GPR158: variants seen among roughly 807,000 people sequenced by gnomAD.
The protein encoded by GPR158 is G protein-coupled receptor 158, also known as metabotropic glycine receptor.
Under a neutral mutation model 78.2 loss-of-function variants are expected in GPR158, and 30 were observed. That is an observed-to-expected ratio of 0.38 (90% CI 0.29 to 0.52). The LOEUF is 0.52. Among genes scored for constraint, GPR158 ranks in the 20% least tolerant of loss-of-function variants. GPR158 has a pLI of 0.83. For missense variants in GPR158, 1,463 were observed against 1,523.5 expected (o/e 0.96, Z 0.66); for synonymous variants, 581 against 591.1 (o/e 0.98, Z 0.25).
chr10:25,292,835 T>C (rs934979358), intron 2 of GPR158, among the ~76,000 whole-genome samples: 1 of 152,150 alleles, frequency 6.6e-6, no homozygotes. Flanking sequence ...CAAGAATAAT[T>C]TATTATTTGC....
chr10:25,300,221 C>T (rs765556028), intron 2 of GPR158, among the ~76,000 whole-genome samples: 1 of 152,276 alleles, frequency 6.6e-6, no homozygotes, highest in Admixed American at 6.5e-5. Flanking sequence ...TGGAGGCTGT[C>T]GGAAGAATGT....
chr10:25,341,783 T>C (rs1231557197), intron 2 of GPR158, among the ~76,000 whole-genome samples: 1 of 151,956 alleles, frequency 6.6e-6, no homozygotes, highest in Non-Finnish European at 1.5e-5. Flanking sequence ...TCTGTGCCAA[T>C]CTTTTGTAGC....
intron 2 of GPR158, among the ~76,000 whole-genome samples, chr10:25,344,253 ATC>A (rs1855341531): frequency 6.6e-6 from 1 of 151,974 alleles, no homozygotes; most frequent in Non-Finnish European, 1.5e-5. Context: ...TTAACAAATT[ATC>A]TTGATTTTAA....
chr10:25,329,935 A>G (rs1855094690), intron 2 of GPR158, among the ~76,000 whole-genome samples: 1 of 152,116 alleles, frequency 6.6e-6, no homozygotes, highest in Non-Finnish European at 1.5e-5. Flanking sequence ...AACACTTTGG[A>G]TGTTAAAAAC....
rs186612561 is a variant in GPR158 at position 25,344,365 on chromosome 10, A to T, written c.1009-51546A>T. 1.7e-3 allele frequency among the ~76,000 whole-genome samples: 252 copies of T among 151,966 alleles called. 8 individuals carry two copies. Among genetic ancestry groups the T allele is most frequent in the Admixed American group, 0.016 (246 of 15,220 alleles). On this transcript the variant is annotated intron_variant, in intron 2 of 10. Coordinates refer to ENST00000376351, the MANE Select transcript of GPR158 (RefSeq NM_020752.3). ...AAATGGCTAAATCTAGCTAATTAGC[A>T]TATATATTACCTCAGCCATTTTTTG...
chr10:25,351,244 A>G (rs1020592906), intron 2 of GPR158, among the ~76,000 whole-genome samples: 57 of 152,014 alleles, frequency 3.7e-4, no homozygotes, highest in African/African-American at 1.3e-3. Flanking sequence ...TGTTTCAAAT[A>G]GGATATCTAA....
intron 2 of GPR158, among the ~76,000 whole-genome samples, chr10:25,251,228 C>T (rs886857224): frequency 1.1e-4 from 16 of 152,224 alleles, no homozygotes; most frequent in African/African-American, 2.9e-4. Flanking sequence ...AGATGGGTCT[C>T]CTGAATACAG....
At chr10:25,439,064 G>T (rs1260334017) in intron 4 of GPR158, among the ~76,000 whole-genome samples, 3 of 152,178 alleles carry the variant, frequency 2.0e-5, no homozygotes, top group Non-Finnish European at 4.4e-5. Flanking sequence ...GACCTGGAAG[G>T]CCTGAAATAT....
chr10:25,455,866 T>C (rs547284973), intron 4 of GPR158, among the ~76,000 whole-genome samples: 1 of 152,164 alleles, frequency 6.6e-6, no homozygotes, highest in African/African-American at 2.4e-5. Context: ...TTTCCCCTCT[T>C]TTTTTACACT....
intron 6 of GPR158, among the ~76,000 whole-genome samples, chr10:25,563,734 T>C (rs774094745): frequency 6.6e-6 from 1 of 152,298 alleles, no homozygotes; most frequent in Admixed American, 6.5e-5. Context: ...TCTTTTATGT[T>C]TTTATTGTTG....
chr10:25,239,078 G>A (rs750972472), intron 2 of GPR158, among the ~76,000 whole-genome samples: 30 of 152,156 alleles, frequency 2.0e-4, no homozygotes, highest in Non-Finnish European at 4.0e-4. Context: ...TGGGAGGGAG[G>A]ATGTGGAGAG....
intron 7 of GPR158, among the ~76,000 whole-genome samples, chr10:25,587,919 A>G (rs1837291963): frequency 6.6e-6 from 1 of 152,236 alleles, no homozygotes; most frequent in Non-Finnish European, 1.5e-5. Flanking sequence ...TTCTGTTTAC[A>G]AGAAAGTTCC....
chr10:25,225,379 G>A (rs1461291155), intron 2 of GPR158, among the ~76,000 whole-genome samples: 1 of 151,788 alleles, frequency 6.6e-6, no homozygotes, highest in East Asian at 1.9e-4. Context: ...AAATATAAAG[G>A]CAATAAATGG....
chr10:25,509,335 C>T (rs1836053591), intron 5 of GPR158, among the ~76,000 whole-genome samples: 1 of 152,186 alleles, frequency 6.6e-6, no homozygotes. Context: ...GTTTCAGTTA[C>T]TATGGCTGCA....
chr10:25,395,281 A>G (rs1253280459), intron 2 of GPR158, among the ~76,000 whole-genome samples: 2 of 152,170 alleles, frequency 1.3e-5, no homozygotes, highest in East Asian at 1.9e-4. Context: ...CCTTATATGT[A>G]TATGTAAAAC....
Position 25,354,003 on chromosome 10 carries a change from A to G in GPR158, c.1009-41908A>G, listed in dbSNP as rs565446479. ...GTGAATTGCATTTAGTGAATCTATT[A>G]TAGGGTTTTGCACTGTGGTTACCAT... On this transcript the variant is annotated intron_variant, in intron 2 of 10. Transcript: ENST00000376351. Among the ~76,000 whole-genome samples, 34 of 152,170 alleles carry G rather than the reference A, an allele frequency of 2.2e-4. 1 individual carries two copies. In the South Asian group the frequency reaches 6.9e-3, roughly 31 times the overall value.
At chr10:25,245,677 A>T (rs970553319) in intron 2 of GPR158, among the ~76,000 whole-genome samples, 7 of 152,212 alleles carry the variant, frequency 4.6e-5, no homozygotes, top group Admixed American at 4.6e-4. Context: ...GAACTTTTTA[A>T]AGAGAAGACA....
chr10:25,598,961 T>C lies in GPR158; in HGVS notation c.3335T>C (p.Val1112Ala). The C allele has an allele frequency of 6.2e-7, 1 of 1,614,148 alleles. No homozygotes were observed. Among genetic ancestry groups the C allele is most frequent in the Non-Finnish European group, 8.5e-7 (1 of 1,180,012 alleles). ...GGAGGTCAGCCTCGTGCAGCCAATG[T>C]GTGTGCTGGGCAGAGCGAAGAACTG... ...ENGGQPRAAN[V>A]CAGQSEELPP... The change falls in exon 11 of 11, where the codon GTG becomes GCG. Residue 1112 changes from valine (V) to alanine (A), a missense_variant. By Grantham distance (64) the Val-to-Ala change is moderately conservative. Transcript: ENST00000376351.
intron 2 of GPR158, among the ~76,000 whole-genome samples, chr10:25,373,320 G>GA (rs200518924): frequency 0.012 from 1,757 of 150,554 alleles, 8 homozygotes; most frequent in Non-Finnish European, 0.016. Context: ...GAGGATCAGA[G>GA]AAAAAAAAAC....
Sources: gnomAD v4.1 joint callset for allele counts (sites outside exome capture counted in the v4.1 genomes callset) on GRCh38, gnomAD v4.1.1 for gene constraint, MANE v1.5 for transcripts, NCBI Gene and HGNC (gene_info 2026-07-23, HGNC 2026-07-21) for gene names.